Variants in ATP10B observed in about 807,000 individuals in gnomAD.
The protein encoded by ATP10B is ATPase phospholipid transporting 10B (putative), also known as phospholipid-transporting ATPase VB.
In ATP10B, 122 loss-of-function variants were observed where a neutral mutation model predicts 141.2. That is an observed-to-expected ratio of 0.86 (90% CI 0.75 to 1.00). ATP10B has a LOEUF of 1.00. ATP10B is among the 50% of genes least tolerant of loss of function. ATP10B has a pLI of 0.00. For missense variants in ATP10B, 1,876 were observed against 1,825.3 expected, an observed-to-expected ratio of 1.03 and a Z score of -0.51; for synonymous variants, 685 against 692.0, an observed-to-expected ratio of 0.99 and a Z score of 0.16.
intron 24 of ATP10B, among the ~76,000 whole-genome samples, chr5:160,588,746 T>C (rs1756080651): frequency 6.6e-6 from 1 of 152,204 alleles, no homozygotes; most frequent in South Asian, 2.1e-4. Flanking sequence ...TAATACACGC[T>C]AATCATGTAG....
intron 18 of ATP10B, chr5:160,612,484 T>A: frequency 3.2e-6 from 1 of 310,494 alleles, no homozygotes. Context: ...TAGTAGAATT[T>A]GGGAGAGGTA....
intron 24 of ATP10B, among the ~76,000 whole-genome samples, chr5:160,580,171 G>A (rs1397276657): frequency 1.3e-5 from 2 of 152,070 alleles, no homozygotes; most frequent in Non-Finnish European, 2.9e-5. Context: ...TTGCCTGATT[G>A]CCCTGGCCAG....
In ATP10B at chr5:160,696,113, A is replaced by AT. The variant is rs550703967; in HGVS notation, c.-204-7171dup. 6.3e-3 allele frequency among the ~76,000 whole-genome samples: 946 copies of AT among 151,216 alleles called. 11 individuals carry two copies. The highest frequency in any genetic ancestry group is 0.02 in the African/African-American group (823 of 41,202). On this transcript the variant is annotated intron_variant, in intron 3 of 25. Coordinates refer to ENST00000327245, the MANE Select transcript of ATP10B (RefSeq NM_025153.3). ...GTGAACTCACTTCTCAAAAGCTTCA[A>AT]TTTTTTTTTCACTGAGATAGTCTCA...
At chr5:160,726,097 A>G (rs538311815) in intron 2 of ATP10B, among the ~76,000 whole-genome samples, 13 of 152,138 alleles carry the variant, frequency 8.5e-5, no homozygotes, top group Non-Finnish European at 1.5e-4. Flanking sequence ...AGCCACTGAG[A>G]GACGCGCGAG....
At chr5:160,810,861 A>T (rs549668235) in intron 1 of ATP10B, among the ~76,000 whole-genome samples, 2 of 152,284 alleles carry the variant, frequency 1.3e-5, no homozygotes, top group African/African-American at 4.8e-5. Flanking sequence ...TGCTATGCCA[A>T]CATTTTTTTC....
chr5:160,881,123 A>G, the ATP10B span, among the ~76,000 whole-genome samples: 27 of 152,370 alleles, frequency 1.8e-4, no homozygotes, highest in Middle Eastern at 6.8e-3. Context: ...CAAATGGACA[A>G]AAGATCTTAA....
chr5:160,691,038 G>A (rs1464540836), intron 3 of ATP10B, among the ~76,000 whole-genome samples: 2 of 152,160 alleles, frequency 1.3e-5, no homozygotes, highest in Non-Finnish European at 2.9e-5. Flanking sequence ...AAAAAAGGAT[G>A]AGTTCATATA....
rs77711315 is a variant in ATP10B, at chr5:160,722,572, G to A, written c.-330-5538C>T. On this transcript the variant is annotated intron_variant, in intron 2 of 25. Transcript: ENST00000327245. ...CAAAACACAGGGAAAAAGATTCAGG[G>A]ATTAAAAAAAAAATAAGGCACAGAA... is the stretch of plus-strand genomic sequence containing the variant. Among the ~76,000 whole-genome samples, 690 of 151,730 alleles carry A rather than the reference G, an allele frequency of 4.5e-3. 3 individuals carry two copies. Among genetic ancestry groups the A allele is most frequent in the Non-Finnish European group, 8.2e-3 (560 of 67,934 alleles).
At chr5:160,777,051 G>A (rs1191203589) in intron 2 of ATP10B, among the ~76,000 whole-genome samples, 1 of 152,168 alleles carries the variant, frequency 6.6e-6, no homozygotes, top group African/African-American at 2.4e-5. Flanking sequence ...TGATGTGATG[G>A]CAAATTATAA....
intron 1 of ATP10B, among the ~76,000 whole-genome samples, chr5:160,786,629 C>T (rs138979945): frequency 6.6e-6 from 1 of 152,242 alleles, no homozygotes; most frequent in Non-Finnish European, 1.5e-5. Context: ...AAAGAGTTGA[C>T]ACACTCATTG....
In ATP10B at chr5:160,851,245, AG is replaced by A. The variant is rs973173364; in HGVS notation, c.-576+695del. Among the ~76,000 whole-genome samples, 3 of 152,176 alleles carry A rather than the reference AG, an allele frequency of 2.0e-5. No individual in the cohort carries two copies. In the South Asian group the frequency reaches 6.2e-4, roughly 32 times the overall value. ...CTGTAGGCAAAATAACTAGCAGCTC[AG>A]TATAATTTTTATTTTTAACATTACT... On this transcript the variant is annotated intron_variant, in intron 1 of 25. Transcript: ENST00000327245.
the ATP10B span, among the ~76,000 whole-genome samples, chr5:160,880,827 A>G: frequency 6.6e-6 from 1 of 152,184 alleles, no homozygotes; most frequent in Non-Finnish European, 1.5e-5. Context: ...AAAATACAAA[A>G]CTATAAAAAT....
intron 10 of ATP10B, among the ~76,000 whole-genome samples, chr5:160,638,880 G>A (rs1226968406): frequency 1.3e-5 from 2 of 151,930 alleles, no homozygotes; most frequent in African/African-American, 4.8e-5. Context: ...CATAGACAGT[G>A]GGGAGTCTTG....
chr5:160,663,464 A>G (rs1762086616), intron 7 of ATP10B, among the ~76,000 whole-genome samples: 1 of 152,198 alleles, frequency 6.6e-6, no homozygotes, highest in African/African-American at 2.4e-5. Flanking sequence ...CAGCCATAAA[A>G]AATGATGAGT....
the ATP10B span, among the ~76,000 whole-genome samples, chr5:160,862,116 T>C: frequency 5.3e-5 from 8 of 152,104 alleles, no homozygotes; most frequent in Admixed American, 2.0e-4. Context: ...TTTGGGACTA[T>C]GGTGGTTAGT....
intron 7 of ATP10B, among the ~76,000 whole-genome samples, chr5:160,652,812 T>C (rs533507457): frequency 0.011 from 1,017 of 95,324 alleles, 103 homozygotes; most frequent in African/African-American, 0.045. Context: ...TTATATAATA[T>C]ATTATATATT....
chr5:160,872,291 G>GTA, the ATP10B span, among the ~76,000 whole-genome samples: 1 of 152,188 alleles, frequency 6.6e-6, no homozygotes, highest in Admixed American at 6.5e-5. Flanking sequence ...TCTGTCAGAT[G>GTA]TATAGATTGT....
chr5:160,729,307 AT>A (rs1272100352), intron 2 of ATP10B, among the ~76,000 whole-genome samples: 5 of 152,184 alleles, frequency 3.3e-5, no homozygotes, highest in Non-Finnish European at 7.3e-5. Context: ...GCTAGCACAT[AT>A]CTGAGCTCCA....
chr5:160,612,972 A>T lies in ATP10B; in HGVS notation c.2654-47T>A, dbSNP rs558815082. The T allele has an allele frequency of 1.9e-6, 3 of 1,553,684 alleles. No homozygotes were observed. The South Asian group carries it at 3.6e-5, about 19-fold the overall frequency. On this transcript the variant is annotated intron_variant, in intron 17 of 25. Transcript: ENST00000327245. ...GAGTTCACATTTATCGTAAAAGAGTAGTTGCTTAATTCCCCCAAAGCCATG... is the reference window on the plus strand; with the variant it reads ...GAGTTCACATTTATCGTAAAAGAGTTGTTGCTTAATTCCCCCAAAGCCATG...
Sources: gnomAD v4.1 joint callset for allele counts (sites outside exome capture counted in the v4.1 genomes callset) on GRCh38, gnomAD v4.1.1 for gene constraint, MANE v1.5 for transcripts, NCBI Gene and HGNC (gene_info 2026-07-23, HGNC 2026-07-21) for gene names.